The following LDLRAD4 variants were observed in gnomAD, a reference collection of about 807,000 sequenced individuals.
The protein encoded by LDLRAD4 is low-density lipoprotein receptor class A domain-containing protein 4.
A neutral mutation model predicts 17.0 loss-of-function variants in LDLRAD4; 5 were observed. The ratio of observed to expected loss-of-function variants is 0.29; its 90% CI spans 0.15 to 0.62. The LOEUF (loss-of-function observed/expected upper bound fraction) is 0.62. LDLRAD4 is among the 20% of genes least tolerant of loss of function. LDLRAD4 has a pLI of 0.84. For missense variants in LDLRAD4, 340 were observed against 424.7 expected, an observed-to-expected ratio of 0.80 and a Z score of 1.75; for synonymous variants, 168 against 171.8, an observed-to-expected ratio of 0.98 and a Z score of 0.17.
intron 2 of LDLRAD4, among the ~76,000 whole-genome samples, chr18:13,424,295 A>G (rs1485040881): frequency 6.6e-6 from 1 of 152,190 alleles, no homozygotes; most frequent in Non-Finnish European, 1.5e-5. Context: ...TCAAGGTGAA[A>G]CCAGAGGAGC....
intron 3 of LDLRAD4, among the ~76,000 whole-genome samples, chr18:13,457,006 G>A (rs1223164653): frequency 2.0e-5 from 3 of 152,246 alleles, no homozygotes; most frequent in Admixed American, 2.0e-4. Flanking sequence ...GCAGAGAACA[G>A]TCATCCACAT....
intron 1 of LDLRAD4, among the ~76,000 whole-genome samples, chr18:13,345,605 T>C (rs1224560504): frequency 6.6e-6 from 1 of 152,218 alleles, no homozygotes; most frequent in Non-Finnish European, 1.5e-5. Context: ...ATAAAATGAG[T>C]TAGGGAGGAT....
At chr18:13,389,097 C>T (rs542020682) in intron 2 of LDLRAD4, among the ~76,000 whole-genome samples, 2 of 151,012 alleles carry the variant, frequency 1.3e-5, no homozygotes, top group South Asian at 2.1e-4. Flanking sequence ...GCTGTGTAGA[C>T]GAAGGGTTGG....
chr18:13,513,892 A>G (rs773887630), intron 3 of LDLRAD4, among the ~76,000 whole-genome samples: 35 of 152,344 alleles, frequency 2.3e-4, no homozygotes, highest in Admixed American at 1.7e-3. Flanking sequence ...AGAAATTCAG[A>G]TAGACATCCT....
intron 4 of LDLRAD4, among the ~76,000 whole-genome samples, chr18:13,634,428 G>A (rs1287459812): frequency 2.0e-5 from 3 of 152,102 alleles, no homozygotes; most frequent in Non-Finnish European, 4.4e-5. Flanking sequence ...CATGTACAAT[G>A]AACAATTCGG....
At chr18:13,360,011 C>A (rs1386833456) in intron 1 of LDLRAD4, among the ~76,000 whole-genome samples, 2 of 152,180 alleles carry the variant, frequency 1.3e-5, no homozygotes, top group Non-Finnish European at 2.9e-5. Flanking sequence ...GAGGTGTTTT[C>A]AACTTCAGAT....
chr18:13,265,698 G>C (rs763092613), intron 1 of LDLRAD4, among the ~76,000 whole-genome samples: 9 of 152,186 alleles, frequency 5.9e-5, no homozygotes, highest in Non-Finnish European at 1.3e-4. Context: ...TTGTCACTCA[G>C]TCACACCTGG....
At chr18:13,607,025 A>C (rs898136747) in intron 3 of LDLRAD4, among the ~76,000 whole-genome samples, 3 of 152,226 alleles carry the variant, frequency 2.0e-5, no homozygotes, top group Non-Finnish European at 4.4e-5. Flanking sequence ...GGCTAAAAAA[A>C]TCAAAGTAAG....
intron 1 of LDLRAD4, chr18:13,236,361 G>GT (rs1391326150): frequency 1.4e-5 from 2 of 139,012 alleles, no homozygotes; most frequent in Non-Finnish European, 3.0e-5. Context: ...CCAGGCTGGA[G>GT]TGCAGTAGTG....
chr18:13,480,744 A>C (rs1620643), intron 3 of LDLRAD4, among the ~76,000 whole-genome samples: 120,326 of 152,142 alleles, frequency 0.79, 47,669 homozygotes, highest in Middle Eastern at 0.85. Context: ...TTAAGTCATA[A>C]ATTCTGACTG....
At chr18:13,626,760 ACTGGGAGGGGCCCTGG>A (rs1300858404) in intron 4 of LDLRAD4, among the ~76,000 whole-genome samples, 2 of 152,176 alleles carry the variant, frequency 1.3e-5, no homozygotes, top group African/African-American at 4.8e-5. Context: ...TGGGGTTGAC[ACTGGGAGGGGCCCTGG>A]CTGTTGCGGA....
intron 1 of LDLRAD4, among the ~76,000 whole-genome samples, chr18:13,360,407 C>T (rs1428860638): frequency 1.3e-5 from 2 of 152,158 alleles, no homozygotes; most frequent in East Asian, 3.9e-4. Flanking sequence ...GCGCAGCCAG[C>T]GAGGATAAAG....
intron 1 of LDLRAD4, among the ~76,000 whole-genome samples, chr18:13,314,955 C>T (rs2080849566): frequency 6.6e-6 from 1 of 152,130 alleles, no homozygotes; most frequent in Admixed American, 6.5e-5. Context: ...CTCAAGGGAT[C>T]CTCCTGCCTT....
At position 13,583,744 on chromosome 18, in the gene LDLRAD4, C is replaced by G. The variant is rs548249621; in HGVS notation, c.182-37373C>G. ...TTGGGGGGCCCGGCCGCGCCGAAGC[C>G]TGCTTGAGTCACCGAGCCAGGGCGC... On this transcript the variant is annotated intron_variant, in intron 3 of 5. Transcript: ENST00000359446. Among the ~76,000 whole-genome samples, 409 of 152,276 alleles carry G rather than the reference C, an allele frequency of 2.7e-3. 4 individuals are homozygous for G. Among genetic ancestry groups the G allele is most frequent in the African/African-American group, 9.3e-3 (386 of 41,546 alleles).
At chr18:13,437,976 G>C (rs2090776339) in intron 2 of LDLRAD4, among the ~76,000 whole-genome samples, 1 of 152,228 alleles carries the variant, frequency 6.6e-6, no homozygotes, top group Admixed American at 6.5e-5. Context: ...CTGTGCTACT[G>C]TGTGGGCAGT....
At chr18:13,550,118 A>T (rs1297783662) in intron 3 of LDLRAD4, among the ~76,000 whole-genome samples, 1 of 152,236 alleles carries the variant, frequency 6.6e-6, no homozygotes, top group Non-Finnish European at 1.5e-5. Context: ...CAATGGGCTT[A>T]CTATCTACTT....
At chr18:13,605,627 C>A (rs1347593493) in intron 3 of LDLRAD4, among the ~76,000 whole-genome samples, 1 of 152,198 alleles carries the variant, frequency 6.6e-6, no homozygotes, top group African/African-American at 2.4e-5. Flanking sequence ...CAATCATGAC[C>A]CATCAGCACA....
At chr18:13,396,011 C>T (rs2086661823) in intron 2 of LDLRAD4, among the ~76,000 whole-genome samples, 1 of 152,072 alleles carries the variant, frequency 6.6e-6, no homozygotes, top group African/African-American at 2.4e-5. Context: ...AGTCCCGGGT[C>T]TCTGTGTTTT....
intron 3 of LDLRAD4, among the ~76,000 whole-genome samples, chr18:13,618,008 G>T (rs948569001): frequency 3.3e-5 from 5 of 152,160 alleles, no homozygotes; most frequent in African/African-American, 1.2e-4. Flanking sequence ...TGACAAACGT[G>T]TGCCAGCCAC....
Sources: allele counts gnomAD v4.1 joint callset (sites outside exome capture counted in the v4.1 genomes callset), GRCh38; gene constraint gnomAD v4.1.1; transcripts MANE v1.5; gene names NCBI Gene and HGNC (gene_info 2026-07-23, HGNC 2026-07-21).